BNC2: variants seen among roughly 807,000 people sequenced by gnomAD.
BNC2 encodes the protein zinc finger protein basonuclin-2.
Under a neutral mutation model 76.3 loss-of-function variants are expected in BNC2, and 20 were observed. The ratio of observed to expected loss-of-function variants is 0.26; its 90% CI spans 0.18 to 0.38. The LOEUF is 0.38. Among genes scored for constraint, BNC2 ranks in the 10% least tolerant of loss-of-function variants. BNC2 has a pLI of 1.00. For missense variants in BNC2, 1,382 were observed against 1,399.8 expected (o/e 0.99, Z 0.20); for synonymous variants, 582 against 514.8 (o/e 1.13, Z -1.77).
intron 5 of BNC2, among the ~76,000 whole-genome samples, chr9:16,438,936 T>C (rs914752157): frequency 1.3e-5 from 2 of 152,130 alleles, no homozygotes; most frequent in African/African-American, 2.4e-5. Flanking sequence ...TCTTGAATTG[T>C]AGCTCCCATA....
At chr9:16,612,741 C>G (rs1360380393) in intron 3 of BNC2, among the ~76,000 whole-genome samples, 5 of 152,054 alleles carry the variant, frequency 3.3e-5, no homozygotes, top group African/African-American at 1.2e-4. Flanking sequence ...AAACAAAATG[C>G]TTTAGGGTTC....
At chr9:16,565,786 C>A (rs1819149028) in intron 4 of BNC2, among the ~76,000 whole-genome samples, 3 of 144,844 alleles carry the variant, frequency 2.1e-5, no homozygotes, top group South Asian at 2.2e-4. Flanking sequence ...CCAGCCTAAG[C>A]AAAAGAATGA....
intron 3 of BNC2, among the ~76,000 whole-genome samples, chr9:16,592,915 A>AT (rs1192010355): frequency 6.6e-6 from 1 of 152,162 alleles, no homozygotes; most frequent in Non-Finnish European, 1.5e-5. Flanking sequence ...CTTTGAAAAT[A>AT]TTAAAACCTA....
intron 1 of BNC2, among the ~76,000 whole-genome samples, chr9:16,844,601 G>A (rs890998473): frequency 6.8e-6 from 1 of 147,988 alleles, no homozygotes. Context: ...AGGTTCAAGC[G>A]ATTCTTCCTG....
chr9:16,618,558 T>C (rs35889406), intron 3 of BNC2, among the ~76,000 whole-genome samples: 2,819 of 151,974 alleles, frequency 0.019, 46 homozygotes, highest in Non-Finnish European at 0.031. Context: ...AAAAGAGGAG[T>C]AGGACTTCAC....
intron 4 of BNC2, among the ~76,000 whole-genome samples, chr9:16,561,147 G>C (rs1166842800): frequency 6.6e-6 from 1 of 151,978 alleles, no homozygotes; most frequent in Non-Finnish European, 1.5e-5. Flanking sequence ...GCTGAGATAG[G>C]AGAATCTCTT....
At chr9:16,869,644 T>C (rs911703541) in intron 1 of BNC2, among the ~76,000 whole-genome samples, 1 of 152,134 alleles carries the variant, frequency 6.6e-6, no homozygotes, top group South Asian at 2.1e-4. Context: ...GGAAGCAAAC[T>C]AAAAAGAAGG....
intron 1 of BNC2, among the ~76,000 whole-genome samples, chr9:16,811,266 G>A (rs1818044792): frequency 7.4e-6 from 1 of 134,446 alleles, no homozygotes; most frequent in Non-Finnish European, 1.6e-5. Context: ...ACAGTGTATA[G>A]GGGGCCAGGC....
intron 3 of BNC2, among the ~76,000 whole-genome samples, chr9:16,671,425 A>T (rs1327485371): frequency 6.6e-6 from 1 of 152,220 alleles, no homozygotes; most frequent in Non-Finnish European, 1.5e-5. Flanking sequence ...CTAGCCTTTC[A>T]CATCCAAAAG....
intron 3 of BNC2, among the ~76,000 whole-genome samples, chr9:16,599,677 G>A (rs913148650): frequency 4.6e-5 from 7 of 152,110 alleles, no homozygotes; most frequent in Non-Finnish European, 8.8e-5. Context: ...CCAGCTACTC[G>A]GGAGGCTGAG....
At chr9:16,847,107 A>G (rs1004969627) in intron 1 of BNC2, among the ~76,000 whole-genome samples, 3 of 152,172 alleles carry the variant, frequency 2.0e-5, no homozygotes, top group African/African-American at 7.2e-5. Context: ...GATAAAACTA[A>G]ATGTGAAGAT....
intron 3 of BNC2, among the ~76,000 whole-genome samples, chr9:16,676,835 T>A (rs1231772648): frequency 6.6e-6 from 1 of 152,226 alleles, no homozygotes; most frequent in Non-Finnish European, 1.5e-5. Context: ...TTTTTCCCTG[T>A]AAATATTCAC....
At chr9:16,502,715 G>A (rs1255302141) in intron 5 of BNC2, among the ~76,000 whole-genome samples, 1 of 152,086 alleles carries the variant, frequency 6.6e-6, no homozygotes, top group African/African-American at 2.4e-5. Context: ...AGAATTGCAG[G>A]AAAATCATAC....
At chr9:16,587,007 C>G (rs1198064846) in intron 3 of BNC2, among the ~76,000 whole-genome samples, 1 of 152,162 alleles carries the variant, frequency 6.6e-6, no homozygotes, top group Admixed American at 6.5e-5. Flanking sequence ...TTTCCAGACA[C>G]TGTGCTACAG....
intron 1 of BNC2, among the ~76,000 whole-genome samples, chr9:16,839,014 C>T (rs900916414): frequency 4.6e-5 from 7 of 152,200 alleles, no homozygotes; most frequent in Non-Finnish European, 1.0e-4. Context: ...TTTCACTAGT[C>T]AGTAGAGGTG....
At chr9:16,621,851 AT>A (rs1282824335) in intron 3 of BNC2, among the ~76,000 whole-genome samples, 1 of 152,178 alleles carries the variant, frequency 6.6e-6, no homozygotes, top group Non-Finnish European at 1.5e-5. Flanking sequence ...TTGATTATAT[AT>A]TTTTTATATT....
chr9:16,867,957 G>A (rs1819582388), intron 1 of BNC2: 1 of 152,116 alleles, frequency 6.6e-6, no homozygotes, highest in African/African-American at 2.4e-5. Flanking sequence ...ACCTGTCCGT[G>A]GGCTTTATTG....
At chr9:16,699,085 T>C (rs1478406079) in intron 3 of BNC2, 2 of 421,338 alleles carry the variant, frequency 4.7e-6, no homozygotes, top group Non-Finnish European at 9.5e-6. Context: ...TTACTTTTGG[T>C]TTGGGTAGTG....
chr9:16,583,071 T>C lies in BNC2; in HGVS notation c.345A>G (p.Thr115=), dbSNP rs919536433. The change falls in exon 4 of 7, where the codon ACA becomes ACG. Residue 115 remains threonine, a synonymous_variant. Coordinates refer to ENST00000380672, the MANE Select transcript of BNC2 (RefSeq NM_017637.6). The stretch of plus-strand genomic sequence containing the variant: ...AACATTCACATGTGCAGTTTACCAG[T>C]GTGCAACGGATGGCCTGAAAAATAA... ...FRMSQQAIRC[T]LVNCTCECFQ... 6.0e-5 allele frequency: 97 copies of C among 1,613,894 alleles called. No individual in the cohort carries two copies. The highest frequency in any genetic ancestry group is 7.4e-5 in the Non-Finnish European group (87 of 1,179,970).
Sources: gnomAD v4.1 joint callset for allele counts (sites outside exome capture counted in the v4.1 genomes callset) on GRCh38, gnomAD v4.1.1 for gene constraint, MANE v1.5 for transcripts, NCBI Gene and HGNC (gene_info 2026-07-23, HGNC 2026-07-21) for gene names.